Variants in NAALADL2 observed in about 807,000 individuals in gnomAD.
NAALADL2 encodes the protein inactive N-acetylated-alpha-linked acidic dipeptidase-like protein 2.
Under a neutral mutation model 87.2 loss-of-function variants are expected in NAALADL2, and 76 were observed. The ratio of observed to expected loss-of-function variants is 0.87; its 90% confidence interval spans 0.72 to 1.05. NAALADL2 has a LOEUF of 1.05. Among genes scored for constraint, NAALADL2 ranks in the 50% least tolerant of loss-of-function variants. NAALADL2 has a pLI of 0.00. For synonymous variants in NAALADL2, 354 were observed against 331.0 expected (o/e 1.07, Z -0.75); for missense variants, 1,089 against 945.8 (o/e 1.15, Z -1.99).
At chr3:175,557,046 A>T (rs994000005) in intron 9 of NAALADL2, among the ~76,000 whole-genome samples, 11 of 152,224 alleles carry the variant, frequency 7.2e-5, no homozygotes, top group African/African-American at 2.7e-4. Context: ...ATAAAAGTGA[A>T]CCTAAATATG....
intron 2 of NAALADL2, among the ~76,000 whole-genome samples, chr3:174,609,586 A>G (rs1719567531): frequency 6.6e-6 from 1 of 152,180 alleles, no homozygotes; most frequent in Admixed American, 6.5e-5. Flanking sequence ...AGAATAAAAT[A>G]CCTAGGAATG....
At chr3:175,251,134 T>C (rs1748992537) in intron 3 of NAALADL2, among the ~76,000 whole-genome samples, 1 of 152,224 alleles carries the variant, frequency 6.6e-6, no homozygotes, top group African/African-American at 2.4e-5. Context: ...AATGCCACTT[T>C]AAAAAATTAA....
intron 2 of NAALADL2, among the ~76,000 whole-genome samples, chr3:174,630,442 G>A (rs973530986): frequency 7.2e-5 from 11 of 152,076 alleles, no homozygotes; most frequent in South Asian, 2.1e-4. Flanking sequence ...ATAGATTTAT[G>A]ATATGTTTAT....
chr3:174,667,213 G>A (rs531078537), intron 2 of NAALADL2, among the ~76,000 whole-genome samples: 2 of 152,212 alleles, frequency 1.3e-5, no homozygotes, highest in Admixed American at 1.3e-4. Flanking sequence ...GGATCATTTG[G>A]TAATTCTGTA....
At chr3:175,674,617 C>A (rs559613755) in intron 11 of NAALADL2, among the ~76,000 whole-genome samples, 1 of 152,144 alleles carries the variant, frequency 6.6e-6, no homozygotes, top group South Asian at 2.1e-4. Flanking sequence ...AGTTTTACTA[C>A]CACATTTTCA....
chr3:174,713,681 T>C (rs1423174515), intron 2 of NAALADL2, among the ~76,000 whole-genome samples: 1 of 152,074 alleles, frequency 6.6e-6, no homozygotes, highest in Non-Finnish European at 1.5e-5. Flanking sequence ...TTTGAGTTCA[T>C]TGTAGATTCT....
intron 2 of NAALADL2, among the ~76,000 whole-genome samples, chr3:175,197,160 A>G (rs1370742615): frequency 2.0e-5 from 3 of 151,996 alleles, no homozygotes; most frequent in South Asian, 4.1e-4. Flanking sequence ...CTACAAAATT[A>G]TTACAGTCAT....
At chr3:174,587,193 A>G (rs1007340778) in intron 2 of NAALADL2, among the ~76,000 whole-genome samples, 1 of 152,122 alleles carries the variant, frequency 6.6e-6, no homozygotes, top group Non-Finnish European at 1.5e-5. Context: ...ATAGTATTCC[A>G]TGGTGAATAT....
chr3:174,743,329 G>A (rs1410439731), intron 3 of NAALADL2, among the ~76,000 whole-genome samples: 2 of 151,720 alleles, frequency 1.3e-5, no homozygotes, highest in African/African-American at 2.4e-5. Context: ...TCCAGAGCAC[G>A]TTTTATACCA....
intron 12 of NAALADL2, among the ~76,000 whole-genome samples, chr3:175,740,430 T>C (rs1408006404): frequency 6.6e-6 from 1 of 152,180 alleles, no homozygotes; most frequent in Non-Finnish European, 1.5e-5. Flanking sequence ...GAATGAGGGC[T>C]AGGAAAATGA....
chr3:175,320,479 G>T (rs114573651), intron 4 of NAALADL2, among the ~76,000 whole-genome samples: 5 of 152,118 alleles, frequency 3.3e-5, no homozygotes, highest in East Asian at 1.9e-4. Context: ...TATCTGGGAG[G>T]TCTGGCTGGT....
chr3:174,678,582 A>G (rs555768450), intron 2 of NAALADL2, among the ~76,000 whole-genome samples: 3 of 152,250 alleles, frequency 2.0e-5, no homozygotes, highest in South Asian at 4.1e-4. Flanking sequence ...TTACATTTCA[A>G]TAATCACTGA....
chr3:175,329,485 C>T lies in NAALADL2; in HGVS notation c.1090+5160C>T, dbSNP rs192621803. 1.3e-4 allele frequency among the ~76,000 whole-genome samples: 20 copies of T among 152,206 alleles called. 1 individual carries two copies. The highest frequency in any genetic ancestry group is 1.2e-3 in the Admixed American group (18 of 15,286). ...CTGGTCCAGTTACTTGGACAAATAT[C>T]GAAAGACTGACTTGAGTTGGCACTA... On this transcript the variant is annotated intron_variant, in intron 5 of 13. Transcript: ENST00000454872.
chr3:174,783,286 C>T (rs1167796322), intron 3 of NAALADL2, among the ~76,000 whole-genome samples: 1 of 152,148 alleles, frequency 6.6e-6, no homozygotes, highest in East Asian at 1.9e-4. Context: ...TATTAAATGA[C>T]TGTAGTCTTT....
At chr3:174,849,734 C>CAAAAAA (rs57620256) in intron 3 of NAALADL2, among the ~76,000 whole-genome samples, 1 of 62,824 alleles carries the variant, frequency 1.6e-5, no homozygotes, top group African/African-American at 5.8e-5. Context: ...GACTCTGACT[C>CAAAAAA]AAAAAAAAAA....
intron 3 of NAALADL2, among the ~76,000 whole-genome samples, chr3:174,802,109 T>C (rs1328345228): frequency 1.3e-5 from 2 of 152,030 alleles, no homozygotes; most frequent in African/African-American, 2.4e-5. Context: ...TCCACACTTA[T>C]TAGATTAATA....
intron 13 of NAALADL2, among the ~76,000 whole-genome samples, chr3:175,755,806 C>T (rs527523730): frequency 1.3e-5 from 2 of 150,902 alleles, no homozygotes; most frequent in Non-Finnish European, 2.9e-5. Context: ...TAAGTTTAAT[C>T]CTGGAAACTA....
chr3:174,513,754 C>T (rs1719753453), intron 1 of NAALADL2, among the ~76,000 whole-genome samples: 1 of 152,150 alleles, frequency 6.6e-6, no homozygotes, highest in Non-Finnish European at 1.5e-5. Context: ...TAAAAAATTA[C>T]ACCTTATTAT....
chr3:174,882,676 T>TGCATATACACATATGC lies in NAALADL2; in HGVS notation c.43+23227_43+23228insCATATACACATATGCG, dbSNP rs1560319021. On this transcript the variant is annotated intron_variant, in intron 1 of 13. Transcript: ENST00000454872. ...ACACATATGTGCATATACACATATG[T>TGCATATACACATATGC]GTATATGTGTATCCGTGTATATACA... 1.5e-4 allele frequency among the ~76,000 whole-genome samples: 20 copies of TGCATATACACATATGC among 132,214 alleles called. 1 individual carries two copies. The highest frequency in any genetic ancestry group is 7.8e-4 in the African/African-American group (20 of 25,492). The allele number at this position is 132,214 out of a possible 152,430, so 86.7% of individuals were successfully genotyped here. A position where few individuals can be genotyped will look rare whatever the true frequency, so the allele number is the denominator to read the frequency against.
Sources: allele counts gnomAD v4.1 joint callset (sites outside exome capture counted in the v4.1 genomes callset), GRCh38; gene constraint gnomAD v4.1.1; transcripts MANE v1.5; gene names NCBI Gene and HGNC (gene_info 2026-07-23, HGNC 2026-07-21).